The following CALCRL variants were observed in gnomAD, a reference collection of about 807,000 sequenced individuals.
The protein encoded by CALCRL is calcitonin gene-related peptide type 1 receptor.
In CALCRL, 27 loss-of-function variants were observed where a neutral mutation model predicts 60.4. The observed-to-expected ratio is 0.45, with a 90% CI of 0.33 to 0.62. The LOEUF is 0.62. Among genes scored for constraint, CALCRL ranks in the 20% least tolerant of loss-of-function variants. The pLI is 0.03. For synonymous variants in CALCRL, 190 were observed against 182.6 expected, an observed-to-expected ratio of 1.04 and a Z score of -0.33; for missense variants, 424 against 540.7, an observed-to-expected ratio of 0.78 and a Z score of 2.14.
chr2:187,398,252 A>G (rs1688741291), intron 1 of CALCRL, among the ~76,000 whole-genome samples: 2 of 151,700 alleles, frequency 1.3e-5, no homozygotes, highest in Admixed American at 1.3e-4. Context: ...TGAGAGCCTT[A>G]TACTTATTTT....
intron 8 of CALCRL, among the ~76,000 whole-genome samples, chr2:187,366,548 CAATT>C (rs1687298809): frequency 6.6e-6 from 1 of 151,542 alleles, no homozygotes; most frequent in African/African-American, 2.4e-5. Context: ...TATTTCATGT[CAATT>C]AAAAAGTGAA....
At position 187,446,256 on chromosome 2, in the gene CALCRL, TA is replaced by T. The variant is rs1391593065; in HGVS notation, c.-293+1782del. Among the ~76,000 whole-genome samples the T allele has an allele frequency of 4.6e-5, 7 of 151,872 alleles. No individual in the cohort carries two copies. In the East Asian group the frequency reaches 1.4e-3, roughly 29 times the overall value. ...CTAAAAGCATGCATTGATATTCTGA[TA>T]TTTTCTTATCATTAAAGAAAGCACA... is the stretch of plus-strand genomic sequence containing the variant. On this transcript the variant is annotated intron_variant, in intron 1 of 14. Coordinates refer to ENST00000392370, the MANE Select transcript of CALCRL (RefSeq NM_005795.6).
chr2:187,359,037 T>C (rs752137776), intron 12 of CALCRL, 26 bp downstream of exon 12: 2 of 1,571,200 alleles, frequency 1.3e-6, no homozygotes, highest in Non-Finnish European at 1.8e-6. Context: ...TGAGCAATGA[T>C]AAGGAAAGGA....
In CALCRL at chr2:187,413,234, T is replaced by C. The variant is rs564280217; in HGVS notation, c.-292-25478A>G. Among the ~76,000 whole-genome samples the C allele has an allele frequency of 2.5e-4, 38 of 152,092 alleles. No homozygotes were observed. The South Asian group carries it at 7.3e-3, about 29-fold the overall frequency. On this transcript the variant is annotated intron_variant, in intron 1 of 14. Coordinates refer to ENST00000392370, the MANE Select transcript of CALCRL (RefSeq NM_005795.6). Reference sequence around the variant, plus strand: ...AGAATTCTAGATAGAAGAGGTAACATGAGCGAAGACAAAAGACAGGGAAAA... The same window carrying C: ...AGAATTCTAGATAGAAGAGGTAACACGAGCGAAGACAAAAGACAGGGAAAA...
rs892644917 is a variant in CALCRL at position 187,344,131 on chromosome 2, C to A, written c.*2053G>T. ...ATATGGGTCTTTGAATAATAAATAG[C>A]TAATAATTGAGTTTATTAAAATGAA... On this transcript the variant is annotated 3_prime_UTR_variant, in exon 15 of 15. Coordinates refer to ENST00000392370, the MANE Select transcript of CALCRL (RefSeq NM_005795.6). The A allele has an allele frequency of 4.2e-4, 64 of 151,578 alleles. No homozygotes were observed. Among genetic ancestry groups the A allele is most frequent in the African/African-American group, 1.5e-3 (61 of 41,454 alleles). 9.4% of individuals were successfully genotyped at this position (151,578 alleles called of 1,614,324 possible). A position where few individuals can be genotyped will look rare whatever the true frequency, so the allele number is the denominator to read the frequency against.
chr2:187,447,371 G>T (rs1691238279), intron 1 of CALCRL, among the ~76,000 whole-genome samples: 1 of 146,566 alleles, frequency 6.8e-6, no homozygotes. Flanking sequence ...TAAACTCTAG[G>T]TTTTTTTTTT....
chr2:187,381,385 A>G (rs1687978877), intron 5 of CALCRL, among the ~76,000 whole-genome samples: 1 of 152,188 alleles, frequency 6.6e-6, no homozygotes, highest in Admixed American at 6.5e-5. Flanking sequence ...TAAAATATAT[A>G]AAGTTTTTTT....
chr2:187,415,041 G>A (rs1223732855), intron 1 of CALCRL, among the ~76,000 whole-genome samples: 1 of 151,996 alleles, frequency 6.6e-6, no homozygotes, highest in African/African-American at 2.4e-5. Context: ...AATCTCTGTG[G>A]TTAAATGTTA....
chr2:187,360,725 A>G lies in CALCRL; in HGVS notation c.654T>C (p.Ile218=), dbSNP rs371429812. The change falls in exon 10 of 15, where the codon ATT becomes ATC. Residue 218 remains isoleucine (I), a synonymous_variant. Coordinates refer to ENST00000392370, the MANE Select transcript of CALCRL (RefSeq NM_005795.6). The part of the protein sequence containing the change: ...NPVSCKVSQF[I]HLYLMGCNYF... ...AATTACAGCCCATCAGGTAAAGATGAATGAACTGGGACACTTTGCAACTAA... is the reference window on the plus strand; with the variant it reads ...AATTACAGCCCATCAGGTAAAGATGGATGAACTGGGACACTTTGCAACTAA... 1 of 1,611,758 alleles carries G rather than the reference A, an allele frequency of 6.2e-7. No homozygotes were observed. The highest frequency in any genetic ancestry group is 2.2e-5 in the East Asian group (1 of 44,836).
intron 8 of CALCRL, among the ~76,000 whole-genome samples, chr2:187,375,664 G>A (rs954057465): frequency 3.3e-5 from 5 of 151,886 alleles, no homozygotes; most frequent in Non-Finnish European, 5.9e-5. Flanking sequence ...TGTAAAACAC[G>A]AGGACAGTAT....
intron 9 of CALCRL, among the ~76,000 whole-genome samples, 154 bp from the exon 10 acceptor site, chr2:187,360,905 T>C (rs1687027929): frequency 6.6e-6 from 1 of 152,090 alleles, no homozygotes; most frequent in African/African-American, 2.4e-5. Flanking sequence ...AGTCTTCGTA[T>C]TCATGTAATG....
intron 1 of CALCRL, among the ~76,000 whole-genome samples, chr2:187,435,958 T>C (rs1000435631): frequency 6.6e-6 from 1 of 151,524 alleles, no homozygotes; most frequent in African/African-American, 2.4e-5. Flanking sequence ...TATTACCAAG[T>C]TCCTAAGATT....
rs1265115005 is a variant in CALCRL, at chr2:187,439,932, T to C, written c.-293+8107A>G. ...AATACAAGATCTATAGGTCCATAAG[T>C]AAGGAAGATTAGCATTCTTTTCATA... On this transcript the variant is annotated intron_variant, in intron 1 of 14. Transcript: ENST00000392370. Among the ~76,000 whole-genome samples the C allele has an allele frequency of 2.0e-5, 3 of 152,234 alleles. No homozygotes were observed. The East Asian group carries it at 5.8e-4, about 29-fold the overall frequency.
At chr2:187,350,055 C>T (rs1016930513) in intron 14 of CALCRL, among the ~76,000 whole-genome samples, 1 of 151,556 alleles carries the variant, frequency 6.6e-6, no homozygotes, top group East Asian at 1.9e-4. Context: ...TGAAATTTGC[C>T]AGCATTTGCC....
intron 1 of CALCRL, among the ~76,000 whole-genome samples, chr2:187,404,660 A>C (rs1689038309): frequency 6.6e-6 from 1 of 151,618 alleles, no homozygotes; most frequent in Non-Finnish European, 1.5e-5. Flanking sequence ...GAGTTTCCTT[A>C]CTAAATTCTT....
intron 1 of CALCRL, among the ~76,000 whole-genome samples, chr2:187,400,649 G>C (rs1217014888): frequency 2.6e-5 from 4 of 151,270 alleles, no homozygotes; most frequent in Admixed American, 2.6e-4. Context: ...TTTGTGAATG[G>C]ATAAACAAAA....
intron 1 of CALCRL, among the ~76,000 whole-genome samples, chr2:187,412,016 G>T (rs1429871642): frequency 6.7e-6 from 1 of 148,996 alleles, no homozygotes; most frequent in Admixed American, 6.7e-5. Flanking sequence ...TACATCCTGT[G>T]TGCAGAGAAA....
intron 1 of CALCRL, among the ~76,000 whole-genome samples, chr2:187,431,913 G>A (rs1441431400): frequency 6.6e-6 from 1 of 152,074 alleles, no homozygotes; most frequent in African/African-American, 2.4e-5. Context: ...CTCTGAAGAG[G>A]TGGTATATGA....
At chr2:187,400,579 G>T (rs1293853144) in intron 1 of CALCRL, among the ~76,000 whole-genome samples, 1 of 151,138 alleles carries the variant, frequency 6.6e-6, no homozygotes. Flanking sequence ...GCTTGCACAC[G>T]AATATTCTTA....
Sources: allele counts gnomAD v4.1 joint callset (sites outside exome capture counted in the v4.1 genomes callset), GRCh38; gene constraint gnomAD v4.1.1; transcripts MANE v1.5; gene names NCBI Gene and HGNC (gene_info 2026-07-23, HGNC 2026-07-21).